The following HEBP1 variants were observed in gnomAD, a reference collection of about 807,000 sequenced individuals.
HEBP1 encodes heme-binding protein 1.
HEBP1 carries 13 observed loss-of-function variants against 20.4 expected under a neutral mutation model. The ratio of observed to expected loss-of-function variants is 0.64; its 90% CI spans 0.42 to 1.01. HEBP1 has a LOEUF of 1.01. Ranked by LOEUF, HEBP1 falls within the 50% of genes least tolerant of loss-of-function variation. HEBP1 has a pLI of 0.00. For synonymous variants in HEBP1, 92 were observed against 90.7 expected (o/e 1.01, Z -0.08); for missense variants, 241 against 247.3 (o/e 0.97, Z 0.17).
At chr12:12,997,625 C>T (rs892786967) in intron 1 of HEBP1, among the ~76,000 whole-genome samples, 2 of 152,124 alleles carry the variant, frequency 1.3e-5, no homozygotes, top group Admixed American at 6.5e-5. Flanking sequence ...AGCTGGGCGC[C>T]GGCTGACATC....
intron 3 of HEBP1, among the ~76,000 whole-genome samples, chr12:12,979,180 G>A (rs777826658): frequency 3.9e-5 from 6 of 152,188 alleles, no homozygotes; most frequent in Admixed American, 2.6e-4. Context: ...GAAGCAGAAG[G>A]AAACCCAGCA....
intron 3 of HEBP1, chr12:12,979,735 C>A (rs994357610): frequency 2.6e-5 from 4 of 152,228 alleles, no homozygotes; most frequent in Non-Finnish European, 5.9e-5. Context: ...AACGCCTCAT[C>A]TTGAAAGAAG....
chr12:12,984,468 A>G (rs980820390), intron 3 of HEBP1: 1 of 152,286 alleles, frequency 6.6e-6, no homozygotes, highest in Non-Finnish European at 1.5e-5. Flanking sequence ...AGTTTCAACT[A>G]CTAATTTACA....
intron 1 of HEBP1, among the ~76,000 whole-genome samples, chr12:12,993,177 C>A (rs1864247337): frequency 8.7e-6 from 1 of 114,770 alleles, no homozygotes. Flanking sequence ...CTCTCTCTCT[C>A]TCTCTTTCTT....
At position 12,986,980 on chromosome 12, in the gene HEBP1, G is replaced by T. The variant is rs913188472; in HGVS notation, c.398+172C>A. The T allele has an allele frequency of 6.3e-6, 4 of 634,566 alleles. No individual in the cohort carries two copies. The African/African-American group carries it at 7.3e-5, about 12-fold the overall frequency. The allele number at this position is 634,566 out of a possible 1,614,324, so 39.3% of individuals were successfully genotyped here. ...TTATTCTGATAAAATGCAAATGTGT[G>T]TGTGCTGCAGCCTGAAGAAATTAAA... is the stretch of plus-strand genomic sequence containing the variant. On this transcript the variant is annotated intron_variant, in intron 3 of 3. Transcript: ENST00000014930. This position sits in a 1 kb window ranked among gnomAD's most constrained non-coding sequence, Gnocchi z 4.3.
intron 1 of HEBP1, among the ~76,000 whole-genome samples, chr12:12,997,288 A>G (rs1436324023): frequency 1.3e-5 from 2 of 152,222 alleles, no homozygotes; most frequent in African/African-American, 4.8e-5. Context: ...CAGGAAACAG[A>G]AACTACTAGA....
At chr12:12,992,722 G>T (rs188204066) in intron 1 of HEBP1, among the ~76,000 whole-genome samples, 1 of 152,230 alleles carries the variant, frequency 6.6e-6, no homozygotes, top group East Asian at 1.9e-4. Context: ...AGTAAACTTA[G>T]GGTGTTTTGC....
intron 3 of HEBP1, chr12:12,983,996 A>G (rs758276798): frequency 1.9e-4 from 55 of 292,208 alleles, no homozygotes; most frequent in South Asian, 1.4e-3. Context: ...TGGGGCAATT[A>G]GAGCATCAAT....
intron 3 of HEBP1, 23 bp from the exon 4 acceptor site, chr12:12,975,502 T>C (rs749457167): frequency 1.6e-5 from 25 of 1,589,778 alleles, no homozygotes; most frequent in Non-Finnish European, 2.0e-5. Context: ...GAGCAAGGGC[T>C]GGTTACGAAA....
At chr12:12,994,752 G>A (rs532102112) in intron 1 of HEBP1, among the ~76,000 whole-genome samples, 19 of 152,260 alleles carry the variant, frequency 1.2e-4, no homozygotes, top group Non-Finnish European at 1.8e-4. Context: ...TGATACAGAT[G>A]AGCAAACTGT....
intron 3 of HEBP1, chr12:12,984,109 G>A (rs1022376173): frequency 4.9e-5 from 8 of 163,392 alleles, no homozygotes; most frequent in Admixed American, 4.3e-4. Flanking sequence ...TTACCTTGAG[G>A]ATGTTACAGA....
At chr12:12,975,760 T>C in intron 3 of HEBP1, among the ~76,000 whole-genome samples, 1 of 152,128 alleles carries the variant, frequency 6.6e-6, no homozygotes, top group Non-Finnish European at 1.5e-5. Context: ...AAACAGTAGC[T>C]GAGTATAAAC....
At chr12:12,976,848 C>T (rs1863996340) in intron 3 of HEBP1, among the ~76,000 whole-genome samples, 1 of 152,190 alleles carries the variant, frequency 6.6e-6, no homozygotes, top group Non-Finnish European at 1.5e-5. Context: ...AGTAGACAGA[C>T]AATGAACATC....
At chr12:12,988,447 A>C (rs1864179182) in intron 2 of HEBP1, among the ~76,000 whole-genome samples, 1 of 152,204 alleles carries the variant, frequency 6.6e-6, no homozygotes, top group Admixed American at 6.5e-5. Context: ...TTTTTAAGTA[A>C]GTAAAGGAAT....
At chr12:12,999,916 A>G in intron 1 of HEBP1, 121 bp downstream of exon 1, 1 of 569,938 alleles carries the variant, frequency 1.8e-6, no homozygotes, top group Non-Finnish European at 3.2e-6. Context: ...GACAGACACC[A>G]GAACGCACCT....
At chr12:12,984,555 A>G (rs964750193) in intron 3 of HEBP1, 2 of 152,234 alleles carry the variant, frequency 1.3e-5, no homozygotes, top group South Asian at 2.1e-4. Flanking sequence ...GATAATAAGA[A>G]GACAAATGAT....
chr12:12,981,886 A>C (rs1864087588), intron 3 of HEBP1, among the ~76,000 whole-genome samples: 1 of 152,224 alleles, frequency 6.6e-6, no homozygotes, highest in South Asian at 2.1e-4. Flanking sequence ...TGACAGCTGA[A>C]GCTATGATGG....
chr12:12,994,645 T>C (rs554220185), intron 1 of HEBP1, among the ~76,000 whole-genome samples: 1 of 152,080 alleles, frequency 6.6e-6, no homozygotes, highest in South Asian at 2.1e-4. Context: ...CTTCACCACC[T>C]CCTCCTCCTG....
chr12:13,000,159 C>T lies in HEBP1; in HGVS notation c.-45G>A, dbSNP rs1449305371. 2.8e-6 allele frequency: 4 copies of T among 1,435,056 alleles called. No individual in the cohort carries two copies. The highest frequency in any genetic ancestry group is 1.8e-4 in the Middle Eastern group (1 of 5,708). The allele number at this position is 1,435,056 out of a possible 1,614,324, so 88.9% of individuals were successfully genotyped here. On this transcript the variant is annotated 5_prime_UTR_variant, in exon 1 of 4. Coordinates refer to ENST00000014930, the MANE Select transcript of HEBP1 (RefSeq NM_015987.5). ...CGACGCACGGGAGGACGTGAGGTGGCGGGGGCGACGGAGCACCACGGGCAG... is the reference window on the plus strand; with the variant it reads ...CGACGCACGGGAGGACGTGAGGTGGTGGGGGCGACGGAGCACCACGGGCAG...
Sources: gnomAD v4.1 joint callset for allele counts (sites outside exome capture counted in the v4.1 genomes callset) on GRCh38, gnomAD v4.1.1 for gene constraint, Gnocchi (gnomAD v3.1) non-coding constraint, MANE v1.5 for transcripts, NCBI Gene and HGNC (gene_info 2026-07-23, HGNC 2026-07-21) for gene names.